RNF217: variants seen among roughly 807,000 people sequenced by gnomAD.
RNF217 encodes the protein E3 ubiquitin-protein ligase RNF217.
In RNF217, 31 loss-of-function variants were observed where a neutral mutation model predicts 57.8. The observed-to-expected ratio is 0.54, with a 90% CI of 0.40 to 0.72. The LOEUF is 0.72. Among genes scored for constraint, RNF217 ranks in the 30% least tolerant of loss-of-function variants. The probability of loss-of-function intolerance (pLI) is 0.00; values close to 1 mark genes in which losing one functional copy is unlikely to be tolerated. For missense variants in RNF217, 696 were observed against 708.3 expected, an observed-to-expected ratio of 0.98 and a Z score of 0.20; for synonymous variants, 313 against 294.0, an observed-to-expected ratio of 1.06 and a Z score of -0.66.
At chr6:125,061,226 G>T (rs1787721542) in intron 3 of RNF217, among the ~76,000 whole-genome samples, 1 of 151,916 alleles carries the variant, frequency 6.6e-6, no homozygotes, top group Non-Finnish European at 1.5e-5. Flanking sequence ...TAAGTTTTTA[G>T]TATTTAGCAC....
At chr6:124,977,125 G>C (rs1783998832) in intron 1 of RNF217, among the ~76,000 whole-genome samples, 1 of 152,158 alleles carries the variant, frequency 6.6e-6, no homozygotes, top group African/African-American at 2.4e-5. Flanking sequence ...TCCAAATGAA[G>C]AGCTTCAGAG....
rs1156969300 is a variant in RNF217, at chr6:125,088,716, A to G, written c.*5779A>G. The G allele has an allele frequency of 2.0e-5, 3 of 152,038 alleles. No individual in the cohort carries two copies. The allele number at this position is 152,038 out of a possible 1,614,324, so 9.4% of individuals were successfully genotyped here. A position where few individuals can be genotyped will look rare whatever the true frequency, so the allele number is the denominator to read the frequency against. On this transcript the variant is annotated 3_prime_UTR_variant, in exon 6 of 6. Coordinates refer to ENST00000521654, the MANE Select transcript of RNF217 (RefSeq NM_001286398.3). ...AACATTGCCATTGCCCTTTTTTGTC[A>G]CTTCCTTTTTTCTTCTAAAAATTTT...
At chr6:125,040,179 AATAG>A (rs763126167) in intron 1 of RNF217, among the ~76,000 whole-genome samples, 43 of 152,290 alleles carry the variant, frequency 2.8e-4, no homozygotes, top group Non-Finnish European at 5.0e-4. Context: ...AAATTAACAA[AATAG>A]ATAGACCACT....
chr6:125,000,635 G>A (rs1277320240), intron 1 of RNF217, among the ~76,000 whole-genome samples: 1 of 151,910 alleles, frequency 6.6e-6, no homozygotes, highest in Non-Finnish European at 1.5e-5. Flanking sequence ...TTTCAGATTT[G>A]TATGCATATT....
At chr6:125,019,841 G>T (rs932832791) in intron 1 of RNF217, among the ~76,000 whole-genome samples, 2 of 149,604 alleles carry the variant, frequency 1.3e-5, no homozygotes, top group Non-Finnish European at 3.0e-5. Flanking sequence ...AGTGGGGGGG[G>T]AGTGAAAAAA....
intron 1 of RNF217, among the ~76,000 whole-genome samples, chr6:124,978,842 G>A (rs1395400221): frequency 6.6e-6 from 1 of 152,186 alleles, no homozygotes; most frequent in Non-Finnish European, 1.5e-5. Context: ...GAGTAAGGCA[G>A]AGAATAATTT....
chr6:125,049,434 A>G (rs979445251), intron 2 of RNF217, among the ~76,000 whole-genome samples: 6 of 151,996 alleles, frequency 3.9e-5, no homozygotes, highest in African/African-American at 1.4e-4. Context: ...TATTTGTTGA[A>G]GGATTCATTT....
At chr6:125,026,857 A>G (rs1044172380) in intron 1 of RNF217, among the ~76,000 whole-genome samples, 6 of 152,150 alleles carry the variant, frequency 3.9e-5, no homozygotes, top group Admixed American at 6.5e-5. Context: ...ATGAACTGTG[A>G]TATACTAGTT....
rs1788636748 is a variant in RNF217 at position 125,083,038 on chromosome 6, T to G, written c.*101T>G. On this transcript the variant is annotated 3_prime_UTR_variant, in exon 6 of 6. Transcript: ENST00000521654. ...ATCTTGAAAAACACTGAGAGGAACC[T>G]TCTACCATCTCATCTCCCAGTGATT... is the stretch of plus-strand genomic sequence containing the variant. The G allele has an allele frequency of 8.3e-6, 6 of 719,236 alleles. No homozygotes were observed. The highest frequency in any genetic ancestry group is 1.3e-5 in the Non-Finnish European group (6 of 453,004). The allele number at this position is 719,236 out of a possible 1,614,324, so 44.6% of individuals were successfully genotyped here. A position where few individuals can be genotyped will look rare whatever the true frequency, so the allele number is the denominator to read the frequency against.
intron 1 of RNF217, among the ~76,000 whole-genome samples, chr6:125,041,400 C>T (rs1224021759): frequency 1.3e-5 from 2 of 151,998 alleles, no homozygotes; most frequent in Non-Finnish European, 2.9e-5. Context: ...CATGTCAGTC[C>T]TCCTCATAAA....
chr6:124,964,004 CTT>C (rs1005842066), intron 1 of RNF217, among the ~76,000 whole-genome samples: 6 of 152,276 alleles, frequency 3.9e-5, no homozygotes, highest in African/African-American at 1.2e-4. Context: ...AGCCAGCACT[CTT>C]TAAGAGGGAA....
At chr6:125,024,311 G>C (rs1046615665) in intron 1 of RNF217, among the ~76,000 whole-genome samples, 1 of 152,204 alleles carries the variant, frequency 6.6e-6, no homozygotes, top group African/African-American at 2.4e-5. Context: ...GGCCAGGCAC[G>C]GTGGCTCACG....
chr6:124,967,787 T>C (rs1783603574), intron 1 of RNF217, among the ~76,000 whole-genome samples: 1 of 152,186 alleles, frequency 6.6e-6, no homozygotes, highest in Non-Finnish European at 1.5e-5. Context: ...CATAAATTTT[T>C]TTTTTTCTTT....
chr6:125,019,430 T>A (rs547628111), intron 1 of RNF217, among the ~76,000 whole-genome samples: 1 of 152,304 alleles, frequency 6.6e-6, no homozygotes, highest in Non-Finnish European at 1.5e-5. Flanking sequence ...TAATTAATAA[T>A]CTACATTTAG....
chr6:125,047,227 A>G (rs746761090), intron 2 of RNF217, among the ~76,000 whole-genome samples: 6 of 152,094 alleles, frequency 3.9e-5, no homozygotes, highest in Non-Finnish European at 8.8e-5. Flanking sequence ...TAAAACATGT[A>G]CAAAATTGAA....
intron 1 of RNF217, among the ~76,000 whole-genome samples, chr6:124,982,540 A>G (rs1784218441): frequency 6.6e-6 from 1 of 152,168 alleles, no homozygotes; most frequent in Admixed American, 6.5e-5. Context: ...GCCTCCAAAA[A>G]AAAAAGGATT....
chr6:125,059,228 A>G (rs371843918), intron 3 of RNF217, among the ~76,000 whole-genome samples: 1 of 152,214 alleles, frequency 6.6e-6, no homozygotes, highest in East Asian at 1.9e-4. Flanking sequence ...GCTTTCTAAT[A>G]GAAGTGATGT....
chr6:125,072,642 A>G (rs1208017049), intron 3 of RNF217, among the ~76,000 whole-genome samples: 3 of 152,220 alleles, frequency 2.0e-5, no homozygotes, highest in Admixed American at 1.3e-4. Context: ...GTGAAATATG[A>G]GGCAAAACTT....
intron 1 of RNF217, among the ~76,000 whole-genome samples, chr6:125,032,977 C>T (rs1384752666): frequency 6.6e-6 from 1 of 152,080 alleles, no homozygotes; most frequent in South Asian, 2.1e-4. Flanking sequence ...CCAAATTACA[C>T]GTGAGTGTGG....
Sources: allele counts gnomAD v4.1 joint callset (sites outside exome capture counted in the v4.1 genomes callset), GRCh38; gene constraint gnomAD v4.1.1; transcripts MANE v1.5; gene names NCBI Gene and HGNC (gene_info 2026-07-23, HGNC 2026-07-21).